Variants in GTF2IRD2 observed in about 807,000 individuals in gnomAD.
The protein encoded by GTF2IRD2 is general transcription factor II-I repeat domain-containing protein 2A.
Under a neutral mutation model 49.2 loss-of-function variants are expected in GTF2IRD2, and 8 were observed. The observed-to-expected ratio is 0.16, with a 90% CI of 0.10 to 0.29. The LOEUF (loss-of-function observed/expected upper bound fraction) is 0.29. GTF2IRD2 is among the 10% of genes least tolerant of loss of function. GTF2IRD2 has a pLI of 1.00. For synonymous variants in GTF2IRD2, 47 were observed against 289.7 expected, an observed-to-expected ratio of 0.16 and a Z score of 8.51; for missense variants, 130 against 725.7, an observed-to-expected ratio of 0.18 and a Z score of 9.43.
rs1241583688 is a variant in GTF2IRD2 at position 74,848,669 on chromosome 7, C to CT, written c.-6+2697dup. On this transcript the variant is annotated intron_variant, in intron 1 of 15. Coordinates refer to ENST00000451013, the MANE Select transcript of GTF2IRD2 (RefSeq NM_173537.5). ...TGGCCAACATGGTGAAACCCCGTCT[C>CT]TACTAAAAACGTAAAAATTAGCCGG... is the stretch of plus-strand genomic sequence containing the variant. Among the ~76,000 whole-genome samples, 16 of 145,990 alleles carry CT rather than the reference C, an allele frequency of 1.1e-4. 1 individual carries two copies. Among genetic ancestry groups the CT allele is most frequent in the African/African-American group, 4.0e-4 (15 of 37,952 alleles).
intron 8 of GTF2IRD2, chr7:74,818,667 C>G (rs1414905740): frequency 7.0e-6 from 1 of 143,600 alleles, no homozygotes; most frequent in Admixed American, 7.0e-5. Context: ...CCAGGCTGGT[C>G]TTGAACTCCA....
At chr7:74,831,085 T>C (rs1160735568) in intron 3 of GTF2IRD2, among the ~76,000 whole-genome samples, 2 of 150,644 alleles carry the variant, frequency 1.3e-5, no homozygotes, top group African/African-American at 2.4e-5. Context: ...AATTACATAC[T>C]GTATTATTTA....
intron 1 of GTF2IRD2, among the ~76,000 whole-genome samples, chr7:74,840,067 C>CTTTTTTT (rs1165672995): frequency 3.6e-4 from 25 of 70,148 alleles, no homozygotes; most frequent in South Asian, 6.5e-4. Context: ...GGTCCTATGT[C>CTTTTTTT]TTTTTTTTTT....
chr7:74,826,734 G>A (rs1302551749), intron 3 of GTF2IRD2, among the ~76,000 whole-genome samples: 8 of 59,968 alleles, frequency 1.3e-4, no homozygotes, highest in African/African-American at 6.5e-4. Flanking sequence ...TTTTTTTTGA[G>A]AGAGTCTTAC....
At chr7:74,806,487 T>G (rs587676019) in intron 12 of GTF2IRD2, among the ~76,000 whole-genome samples, 2 of 152,302 alleles carry the variant, frequency 1.3e-5, no homozygotes, top group East Asian at 1.9e-4. Flanking sequence ...TTTTTTTGTA[T>G]TTTTAGTAGA....
At chr7:74,828,677 A>G (rs1799598837) in intron 3 of GTF2IRD2, among the ~76,000 whole-genome samples, 1 of 44,094 alleles carries the variant, frequency 2.3e-5, no homozygotes, top group Non-Finnish European at 5.9e-5. Context: ...CATCTCAAAG[A>G]AAAAAAAAAA....
intron 8 of GTF2IRD2, among the ~76,000 whole-genome samples, chr7:74,818,442 C>T (rs143101872): frequency 0.014 from 1,203 of 83,224 alleles, 63 homozygotes; most frequent in African/African-American, 0.067. Flanking sequence ...AATTAGAAGG[C>T]TCCCTCTCTC....
chr7:74,839,552 C>T (rs1174976820), intron 1 of GTF2IRD2, among the ~76,000 whole-genome samples: 2 of 83,836 alleles, frequency 2.4e-5, no homozygotes, highest in Non-Finnish European at 4.4e-5. Flanking sequence ...TTAGCATCCC[C>T]GGGAGAGAAA....
At chr7:74,815,844 AAGAAAG>A (rs1314681767) in intron 8 of GTF2IRD2, among the ~76,000 whole-genome samples, 1 of 108,508 alleles carries the variant, frequency 9.2e-6, no homozygotes, top group African/African-American at 3.7e-5. Flanking sequence ...GAAAGAAAGA[AAGAAAG>A]AAAGAAAGAA....
chr7:74,833,267 G>A (rs1341869106), intron 2 of GTF2IRD2, among the ~76,000 whole-genome samples: 1 of 122,982 alleles, frequency 8.1e-6, no homozygotes, highest in Non-Finnish European at 1.7e-5. Flanking sequence ...ATTTTTAGTA[G>A]AGACGGGGTT....
rs1193622220 is a variant in GTF2IRD2 at position 74,842,741 on chromosome 7, A to G, written c.-5-6358T>C. Among the ~76,000 whole-genome samples, 37 of 143,934 alleles carry G rather than the reference A, an allele frequency of 2.6e-4. 2 individuals carry two copies. Among genetic ancestry groups the G allele is most frequent in the Non-Finnish European group, 3.8e-4 (25 of 66,412 alleles). 94.4% of individuals were successfully genotyped at this position (143,934 alleles called of 152,430 possible). A position where few individuals can be genotyped will look rare whatever the true frequency, so the allele number is the denominator to read the frequency against. Reference sequence around the variant, plus strand: ...ACTCAGCTAATTTTCTATTTTTGTAAAGAGGTCTCACTATGTTGCCCACGC... The same window carrying G: ...ACTCAGCTAATTTTCTATTTTTGTAGAGAGGTCTCACTATGTTGCCCACGC... On this transcript the variant is annotated intron_variant, in intron 1 of 15. Transcript: ENST00000451013.
In GTF2IRD2 at chr7:74,797,459, C is replaced by T. The variant is rs782234670; in HGVS notation, c.2053G>A (p.Gly685Arg). ...GTTGTGAACTCACTGTGGTTCAGTC[C>T]CCGGGAGCATATCCAGTTCACGGAC... ...VKSVNWICSRGLNHSEFTTLL... is the reference protein window; with the variant it reads ...VKSVNWICSRRLNHSEFTTLL... Residue 685 changes from glycine to arginine, a missense_variant, in exon 16 of 16, where the codon GGA becomes AGA. By Grantham distance (125) the Gly-to-Arg change is moderately radical. Coordinates refer to ENST00000451013, the MANE Select transcript of GTF2IRD2 (RefSeq NM_173537.5). 1.9e-6 allele frequency: 3 copies of T among 1,610,486 alleles called. No homozygotes were observed. The highest frequency in any genetic ancestry group is 1.1e-5 in the South Asian group (1 of 90,930).
intron 3 of GTF2IRD2, among the ~76,000 whole-genome samples, chr7:74,831,543 A>ACACACACACC (rs1204677476): frequency 7.2e-4 from 101 of 140,886 alleles, no homozygotes; most frequent in African/African-American, 2.5e-3. Flanking sequence ...ACACACACAC[A>ACACACACACC]CCCTTATACC....
intron 8 of GTF2IRD2, among the ~76,000 whole-genome samples, chr7:74,815,562 G>A (rs1798430970): frequency 9.7e-6 from 1 of 103,430 alleles, no homozygotes; most frequent in Admixed American, 1.2e-4. Flanking sequence ...ACCAGCCTGG[G>A]CAACACGGTG....
chr7:74,825,910 C>T (rs1342355202), intron 3 of GTF2IRD2, among the ~76,000 whole-genome samples: 1 of 151,710 alleles, frequency 6.6e-6, no homozygotes, highest in African/African-American at 2.4e-5. Context: ...ACGCCATTCT[C>T]CTGCCTCAGC....
At position 74,824,984 on chromosome 7, in the gene GTF2IRD2, C is replaced by T. The variant is rs375511371; in HGVS notation, c.307G>A (p.Glu103Lys). Residue 103 changes from glutamate to lysine, a missense_variant, in exon 4 of 16, where the codon GAA becomes AAA. Glu to Lys is a moderately conservative substitution (Grantham distance 56). Transcript: ENST00000451013. ...PVNGMQVHSG[E>K]TEILRKAVED... ...ACTGCCTTCCTGAGTATTTCCGTTTCGCCTGAGTGGACCTGCATCCCGTTC... is the reference window on the plus strand; with the variant it reads ...ACTGCCTTCCTGAGTATTTCCGTTTTGCCTGAGTGGACCTGCATCCCGTTC... The T allele has an allele frequency of 1.9e-6, 1 of 539,770 alleles. No homozygotes were observed. Among genetic ancestry groups the T allele is most frequent in the Non-Finnish European group, 2.4e-6 (1 of 422,486 alleles). 33.4% of individuals were successfully genotyped at this position (539,770 alleles called of 1,614,324 possible).
intron 1 of GTF2IRD2, among the ~76,000 whole-genome samples, 175 bp from the exon 2 acceptor site, chr7:74,836,558 TA>T (rs1454863282): frequency 6.7e-6 from 1 of 149,388 alleles, no homozygotes; most frequent in Non-Finnish European, 1.5e-5. Flanking sequence ...AATGCTAACT[TA>T]TTTTATTTTA....
chr7:74,831,514 C>T (rs1554420393), intron 3 of GTF2IRD2, among the ~76,000 whole-genome samples: 73 of 147,406 alleles, frequency 5.0e-4, no homozygotes, highest in African/African-American at 1.8e-3. Context: ...TACACACACA[C>T]ACACACACAC....
intron 2 of GTF2IRD2, among the ~76,000 whole-genome samples, chr7:74,833,253 G>GTC (rs1800001115): frequency 8.0e-6 from 1 of 124,746 alleles, no homozygotes; most frequent in Non-Finnish European, 1.7e-5. Flanking sequence ...GTGTGTGTGT[G>GTC]TGTATTTTTA....
Sources: allele counts gnomAD v4.1 joint callset (sites outside exome capture counted in the v4.1 genomes callset), GRCh38; gene constraint gnomAD v4.1.1; transcripts MANE v1.5; gene names NCBI Gene and HGNC (gene_info 2026-07-23, HGNC 2026-07-21).